ST6GAL2: variants seen among roughly 807,000 people sequenced by gnomAD.
ST6GAL2 encodes beta-galactoside alpha-2,6-sialyltransferase 2.
In ST6GAL2, 24 loss-of-function variants were observed where a neutral mutation model predicts 37.5. That is an observed-to-expected ratio of 0.64 (90% CI 0.46 to 0.90). The LOEUF (loss-of-function observed/expected upper bound fraction) is 0.90. ST6GAL2 is among the 40% of genes least tolerant of loss of function. The probability of loss-of-function intolerance (pLI) is 0.00; values close to 1 mark genes in which losing one functional copy is unlikely to be tolerated. For synonymous variants in ST6GAL2, 306 were observed against 295.1 expected (o/e 1.04, Z -0.38); for missense variants, 715 against 712.7 (o/e 1.00, Z -0.04).
chr2:106,835,426 T>C (rs1447835538), intron 2 of ST6GAL2, among the ~76,000 whole-genome samples: 3 of 152,138 alleles, frequency 2.0e-5, no homozygotes, highest in African/African-American at 7.2e-5. Context: ...ACTAAAACAA[T>C]GTTTAAAAAG....
rs577696272 is a variant in ST6GAL2, at chr2:106,834,355, G to A, written c.944-209C>T. The A allele has an allele frequency of 7.9e-5, 40 of 504,644 alleles. No individual in the cohort carries two copies. In the East Asian group the frequency reaches 1.2e-3, roughly 15 times the overall value. 31.3% of individuals were successfully genotyped at this position (504,644 alleles called of 1,614,324 possible). On this transcript the variant is annotated intron_variant, in intron 2 of 5. Coordinates refer to ENST00000409382, the MANE Select transcript of ST6GAL2 (RefSeq NM_001142351.2). ...AACATCAATATGGATATATATAGATGTAAAATCTGTTCAATTATGGGCGAG... is the reference window on the plus strand; with the variant it reads ...AACATCAATATGGATATATATAGATATAAAATCTGTTCAATTATGGGCGAG...
chr2:106,882,928 A>G (rs1256360899), intron 1 of ST6GAL2, among the ~76,000 whole-genome samples: 1 of 152,196 alleles, frequency 6.6e-6, no homozygotes, highest in East Asian at 1.9e-4. Flanking sequence ...TGTCATTTCC[A>G]TACACAGAAC....
intron 4 of ST6GAL2, among the ~76,000 whole-genome samples, chr2:106,831,438 G>A (rs1434911567): frequency 6.6e-6 from 1 of 152,204 alleles, no homozygotes; most frequent in African/African-American, 2.4e-5. Context: ...AATAGCAAGA[G>A]AGCTGTGAGA....
intron 2 of ST6GAL2, among the ~76,000 whole-genome samples, chr2:106,842,504 G>A (rs1444857977): frequency 3.3e-5 from 5 of 152,212 alleles, no homozygotes; most frequent in Non-Finnish European, 7.3e-5. Flanking sequence ...TCTTCTCAGA[G>A]CTCACAGTAA....
chr2:106,887,170 C>CGCGCCTGGCA (rs893116429), upstream of ST6GAL2: 7 of 152,620 alleles, frequency 4.6e-5, no homozygotes, highest in South Asian at 2.1e-4. Flanking sequence ...GGGCTACCTG[C>CGCGCCTGGCA]GCGCCTGGCA....
chr2:106,881,573 C>T (rs1678752485), intron 1 of ST6GAL2, among the ~76,000 whole-genome samples: 2 of 152,150 alleles, frequency 1.3e-5, no homozygotes, highest in South Asian at 4.1e-4. Context: ...TTACATTTTA[C>T]TTCTGAATAA....
At chr2:106,830,025 G>T (rs577051746) in intron 5 of ST6GAL2, 41 bp downstream of exon 5, 1 of 1,569,826 alleles carries the variant, frequency 6.4e-7, no homozygotes, top group Non-Finnish European at 8.8e-7. Context: ...ATATCATCCT[G>T]TCTGCCCCCC....
intron 2 of ST6GAL2, among the ~76,000 whole-genome samples, chr2:106,836,306 C>T (rs1676633998): frequency 6.6e-6 from 1 of 152,160 alleles, no homozygotes; most frequent in South Asian, 2.1e-4. Flanking sequence ...CTCAGACACA[C>T]TGTTGAATTG....
At chr2:106,849,404 C>G (rs1677268010) in intron 1 of ST6GAL2, among the ~76,000 whole-genome samples, 1 of 152,110 alleles carries the variant, frequency 6.6e-6, no homozygotes, top group South Asian at 2.1e-4. Flanking sequence ...ATAAGCTGAC[C>G]AAACTCTTTG....
chr2:106,833,319 T>G (rs1475108781), intron 3 of ST6GAL2, among the ~76,000 whole-genome samples: 1 of 152,230 alleles, frequency 6.6e-6, no homozygotes, highest in East Asian at 1.9e-4. Context: ...TAAAAAGTTG[T>G]TATTAAATGA....
In ST6GAL2 at chr2:106,859,945, C is replaced by A. The variant is rs550025742; in HGVS notation, c.-57-15911G>T. On this transcript the variant is annotated intron_variant, in intron 1 of 5. Transcript: ENST00000409382. ...GTGTTCCTGCTTGTCTCTCTGCTCT[C>A]CTCTTACCCATTGCTCCTTGCTCCC... 2.0e-5 allele frequency among the ~76,000 whole-genome samples: 3 copies of A among 152,242 alleles called. No homozygotes were observed. The East Asian group carries it at 5.8e-4, about 29-fold the overall frequency.
At chr2:106,864,216 C>T (rs542294149) in intron 1 of ST6GAL2, among the ~76,000 whole-genome samples, 2 of 152,350 alleles carry the variant, frequency 1.3e-5, no homozygotes, top group Admixed American at 6.5e-5. Flanking sequence ...AAACCAACCT[C>T]TCTCCCTGCA....
chr2:106,870,235 T>C (rs777703341), intron 1 of ST6GAL2, among the ~76,000 whole-genome samples: 2 of 152,124 alleles, frequency 1.3e-5, no homozygotes, highest in Admixed American at 6.5e-5. Flanking sequence ...GCTAGCCTTC[T>C]TTTTCCTGGA....
intron 3 of ST6GAL2, among the ~76,000 whole-genome samples, chr2:106,833,053 G>A (rs1676486414): frequency 6.6e-6 from 1 of 152,146 alleles, no homozygotes; most frequent in Non-Finnish European, 1.5e-5. Context: ...GGAGCCTCCA[G>A]GGTGCCAGCC....
intron 1 of ST6GAL2, among the ~76,000 whole-genome samples, chr2:106,865,123 G>A (rs887203115): frequency 3.3e-5 from 5 of 152,100 alleles, no homozygotes; most frequent in South Asian, 2.1e-4. Context: ...TTCCGAGAGC[G>A]CAGATAATAT....
At chr2:106,826,758 A>C (rs1027739566) in intron 5 of ST6GAL2, among the ~76,000 whole-genome samples, 16 of 152,234 alleles carry the variant, frequency 1.1e-4, no homozygotes, top group Non-Finnish European at 2.1e-4. Context: ...ATGGGAGACT[A>C]TAAGGATGAA....
At chr2:106,863,790 T>C (rs1311041144) in intron 1 of ST6GAL2, among the ~76,000 whole-genome samples, 1 of 152,068 alleles carries the variant, frequency 6.6e-6, no homozygotes, top group Non-Finnish European at 1.5e-5. Context: ...GTATAAAAGG[T>C]GATGTGGAGC....
chr2:106,808,372 T>C (rs183277410), intron 5 of ST6GAL2, among the ~76,000 whole-genome samples: 33 of 152,326 alleles, frequency 2.2e-4, no homozygotes, highest in Admixed American at 1.8e-3. Context: ...TATGGTATCA[T>C]AGTTGAGAGT....
At chr2:106,821,973 A>G (rs1676020503) in intron 5 of ST6GAL2, among the ~76,000 whole-genome samples, 1 of 152,158 alleles carries the variant, frequency 6.6e-6, no homozygotes, top group Non-Finnish European at 1.5e-5. Context: ...CATGATAAAA[A>G]CCTTCAAAAT....
Sources: allele counts gnomAD v4.1 joint callset (sites outside exome capture counted in the v4.1 genomes callset), GRCh38; gene constraint gnomAD v4.1.1; transcripts MANE v1.5; gene names NCBI Gene and HGNC (gene_info 2026-07-23, HGNC 2026-07-21).